Variants in SLC38A9 observed in about 807,000 individuals in gnomAD.
The protein encoded by SLC38A9 is solute carrier family 38 member 9.
SLC38A9 carries 48 observed loss-of-function variants against 62.3 expected under a neutral mutation model. That is an observed-to-expected ratio of 0.77 (90% CI 0.61 to 0.98). SLC38A9 has a LOEUF of 0.98. SLC38A9 is among the 50% of genes least tolerant of loss of function. SLC38A9 has a pLI of 0.00. For synonymous variants in SLC38A9, 204 were observed against 227.7 expected, an observed-to-expected ratio of 0.90 and a Z score of 0.94; for missense variants, 541 against 679.8, an observed-to-expected ratio of 0.80 and a Z score of 2.27.
intron 7 of SLC38A9, among the ~76,000 whole-genome samples, chr5:55,666,003 CA>C (rs1304694878): frequency 6.6e-6 from 1 of 151,890 alleles, no homozygotes; most frequent in African/African-American, 2.4e-5. Flanking sequence ...TTTAGAATAG[CA>C]AAAACTAGCA....
chr5:55,632,311 G>C (rs1373517707), intron 14 of SLC38A9, among the ~76,000 whole-genome samples: 1 of 152,028 alleles, frequency 6.6e-6, no homozygotes, highest in Non-Finnish European at 1.5e-5. Context: ...GGTGGTGGGC[G>C]CCTGTAGTCC....
At chr5:55,703,505 A>G (rs1275031127) in intron 2 of SLC38A9, among the ~76,000 whole-genome samples, 2 of 152,236 alleles carry the variant, frequency 1.3e-5, no homozygotes, top group South Asian at 2.1e-4. Context: ...ACTATAAAGT[A>G]CATAATTCAG....
At chr5:55,666,972 G>A (rs528694921) in intron 7 of SLC38A9, among the ~76,000 whole-genome samples, 33 of 151,380 alleles carry the variant, frequency 2.2e-4, no homozygotes, top group Middle Eastern at 6.8e-3. Context: ...CTGAGATCGC[G>A]CCACTGCACT....
At position 55,712,008 on chromosome 5, in the gene SLC38A9, G is replaced by A. The variant is rs576112492; in HGVS notation, c.-83+209C>T. 1.7e-4 allele frequency among the ~76,000 whole-genome samples: 26 copies of A among 152,300 alleles called. No individual in the cohort carries two copies. In the East Asian group the frequency reaches 4.1e-3, roughly 24 times the overall value. ...CTTTCTTTCCCTGAGCCCTTGAGGAGCGCGCGCCGTGCCTCCGGAGCAGTC... is the reference window on the plus strand; with the variant it reads ...CTTTCTTTCCCTGAGCCCTTGAGGAACGCGCGCCGTGCCTCCGGAGCAGTC... On this transcript the variant is annotated intron_variant, in intron 1 of 15. Coordinates refer to ENST00000396865, the MANE Select transcript of SLC38A9 (RefSeq NM_173514.4).
intron 2 of SLC38A9, among the ~76,000 whole-genome samples, chr5:55,700,276 G>T (rs1232384391): frequency 1.3e-5 from 2 of 151,562 alleles, no homozygotes; most frequent in Non-Finnish European, 2.9e-5. Context: ...GGGAGGCAGA[G>T]GTTGCAGTGA....
intron 11 of SLC38A9, among the ~76,000 whole-genome samples, chr5:55,647,465 T>C (rs1183578684): frequency 7.3e-6 from 1 of 136,674 alleles, no homozygotes; most frequent in Non-Finnish European, 1.6e-5. Context: ...GCTATATTAT[T>C]TTAGGAAAAG....
At chr5:55,700,334 C>A (rs1446364485) in intron 2 of SLC38A9, among the ~76,000 whole-genome samples, 3 of 118,758 alleles carry the variant, frequency 2.5e-5, no homozygotes, top group South Asian at 2.8e-4. Context: ...CAGAGTGAGA[C>A]CCCAATTAAA....
chr5:55,693,144 T>C (rs968929867), intron 3 of SLC38A9: 27 of 277,800 alleles, frequency 9.7e-5, no homozygotes, highest in Admixed American at 3.2e-4. Context: ...GGTGTCTACC[T>C]AACAGTATCT....
intron 12 of SLC38A9, among the ~76,000 whole-genome samples, chr5:55,642,901 G>A (rs774139959): frequency 1.3e-5 from 2 of 152,170 alleles, no homozygotes; most frequent in Non-Finnish European, 2.9e-5. Context: ...CCTCTACTTA[G>A]AAAGGTTTTT....
intron 3 of SLC38A9, among the ~76,000 whole-genome samples, chr5:55,687,748 G>T (rs1190974553): frequency 6.6e-6 from 1 of 152,038 alleles, no homozygotes; most frequent in Non-Finnish European, 1.5e-5. Flanking sequence ...GCCCAGGCTG[G>T]AGTGCAGTGG....
rs1220459145 is a variant in SLC38A9, at chr5:55,664,790, C to T, written c.600G>A (p.Ser200=). Residue 200 remains serine (S), a synonymous_variant, in exon 8 of 16, where the codon TCG becomes TCA. Transcript: ENST00000396865. ...GAGACACCAAGGAGAAAAGGAGACT[C>T]GACCACTGCCCAAAGGAGCCGAAAT... ...RHYFGSFGQW[S]SLLFSLVSLI... 15 of 1,596,550 alleles carry T rather than the reference C, an allele frequency of 9.4e-6. No homozygotes were observed. Among genetic ancestry groups the T allele is most frequent in the Admixed American group, 3.5e-5 (2 of 56,956 alleles).
chr5:55,644,819 A>C (rs180796682), intron 12 of SLC38A9, among the ~76,000 whole-genome samples: 91 of 152,068 alleles, frequency 6.0e-4, no homozygotes, highest in African/African-American at 2.1e-3. Flanking sequence ...TGCACCCATT[A>C]ACTCATCATT....
At chr5:55,678,657 T>TTG (rs1561397897) in intron 3 of SLC38A9, among the ~76,000 whole-genome samples, 4 of 134,602 alleles carry the variant, frequency 3.0e-5, no homozygotes, top group African/African-American at 8.3e-5. Context: ...TTTTTTTTTT[T>TTG]TTTTTTTTTT....
intron 2 of SLC38A9, among the ~76,000 whole-genome samples, chr5:55,700,332 G>C (rs939120420): frequency 1.6e-5 from 2 of 127,992 alleles, no homozygotes; most frequent in African/African-American, 5.7e-5. Flanking sequence ...CACAGAGTGA[G>C]ACCCCAATTA....
chr5:55,679,116 A>T (rs1752644888), intron 3 of SLC38A9, among the ~76,000 whole-genome samples: 2 of 145,054 alleles, frequency 1.4e-5, no homozygotes, highest in African/African-American at 5.0e-5. Flanking sequence ...TAATAATTAA[A>T]AATTTCTATT....
intron 9 of SLC38A9, among the ~76,000 whole-genome samples, chr5:55,656,136 G>C (rs927377356): frequency 1.3e-5 from 2 of 151,576 alleles, no homozygotes; most frequent in African/African-American, 4.8e-5. Flanking sequence ...GGATACTGTA[G>C]ATAAAATTGT....
intron 8 of SLC38A9, chr5:55,658,099 A>G (rs1296302340): frequency 6.6e-6 from 1 of 152,228 alleles, no homozygotes; most frequent in Non-Finnish European, 1.5e-5. Context: ...AGATACAATC[A>G]AGTTAAGATG....
At chr5:55,680,621 T>C (rs2150426927) in intron 3 of SLC38A9, among the ~76,000 whole-genome samples, 1 of 152,136 alleles carries the variant, frequency 6.6e-6, no homozygotes, top group South Asian at 2.1e-4. Context: ...ATTTCTGTTC[T>C]TTATAAATTA....
chr5:55,651,081 G>A (rs569642960), intron 10 of SLC38A9, among the ~76,000 whole-genome samples: 5 of 150,370 alleles, frequency 3.3e-5, no homozygotes, highest in Admixed American at 1.3e-4. Flanking sequence ...GTGAGCCACC[G>A]CACCCAGCCT....
Sources: gnomAD v4.1 joint callset for allele counts (sites outside exome capture counted in the v4.1 genomes callset) on GRCh38, gnomAD v4.1.1 for gene constraint, MANE v1.5 for transcripts, NCBI Gene and HGNC (gene_info 2026-07-23, HGNC 2026-07-21) for gene names.